GEMIN5: variants seen among roughly 807,000 people sequenced by gnomAD.
GEMIN5 encodes the protein gem nuclear organelle associated protein 5, also known as gem-associated protein 5.
In GEMIN5, 124 loss-of-function variants were observed where a neutral mutation model predicts 176.9. The ratio of observed to expected loss-of-function variants is 0.70; its 90% CI spans 0.61 to 0.81. GEMIN5 has a LOEUF of 0.81. Among genes scored for constraint, GEMIN5 ranks in the 40% least tolerant of loss-of-function variants. The pLI, the probability that GEMIN5 is intolerant of heterozygous loss-of-function variation, is 0.00. For synonymous variants in GEMIN5, 673 were observed against 665.2 expected (o/e 1.01, Z -0.18); for missense variants, 1,843 against 1,814.6 (o/e 1.02, Z -0.28).
At chr5:154,926,934 TAGCTACTCG>T (rs1764051639) in intron 7 of GEMIN5, among the ~76,000 whole-genome samples, 1 of 151,878 alleles carries the variant, frequency 6.6e-6, no homozygotes, top group African/African-American at 2.4e-5. Flanking sequence ...CCTGTAGTCC[TAGCTACTCG>T]AGAGGCTGAG....
chr5:154,897,737 C>T (rs905043371), intron 23 of GEMIN5, among the ~76,000 whole-genome samples: 17 of 152,030 alleles, frequency 1.1e-4, no homozygotes, highest in Non-Finnish European at 2.1e-4. Flanking sequence ...TCTGCTGCAT[C>T]TGGCCCAGTT....
chr5:154,936,934 GCA>G (rs1333207356), intron 2 of GEMIN5, 89 bp downstream of exon 2: 2 of 938,082 alleles, frequency 2.1e-6, no homozygotes, highest in Non-Finnish European at 3.3e-6. Flanking sequence ...AAGTTACTTT[GCA>G]CAGATGAGCT....
chr5:154,917,203 CAAGA>C, intron 12 of GEMIN5, 24 bp from the exon 13 acceptor site: 2 of 1,321,610 alleles, frequency 1.5e-6, no homozygotes, highest in Non-Finnish European at 2.0e-6. Context: ...CACATCAAAA[CAAGA>C]AAGATGGATG....
chr5:154,935,544 G>A lies in GEMIN5; in HGVS notation c.509+297C>T, dbSNP rs1032481373. Among the ~76,000 whole-genome samples the A allele has an allele frequency of 9.2e-5, 14 of 152,286 alleles. No homozygotes were observed. The East Asian group carries it at 2.5e-3, about 27-fold the overall frequency. On this transcript the variant is annotated intron_variant, in intron 3 of 27. Transcript: ENST00000285873. ...ACCTGGGAGTTCATGTTGTATCAAC[G>A]GGCAGTAGAGAAAGCGAAAAAGGTG...
intron 23 of GEMIN5, among the ~76,000 whole-genome samples, chr5:154,897,916 T>G (rs1279512768): frequency 6.8e-6 from 1 of 146,918 alleles, no homozygotes; most frequent in Non-Finnish European, 1.5e-5. Flanking sequence ...TTTTTTGTGT[T>G]TTTTTTTTTT....
In GEMIN5 at chr5:154,896,308, C is replaced by T; in HGVS notation, c.3381G>A (p.Leu1127=). ...GCTGCTTTTCCTCCAGATGCCTGGA[C>T]AGTAGCTCCAGAAGGCAAAACACCA... The part of the protein sequence containing the change: ...QRLVFCLLEL[L]SRHLEEKQLS... Residue 1127 remains leucine (L), a synonymous_variant, in exon 24 of 28, where the codon CTG becomes CTA. Coordinates refer to ENST00000285873, the MANE Select transcript of GEMIN5 (RefSeq NM_015465.5). The T allele has an allele frequency of 6.2e-7, 1 of 1,600,362 alleles. No individual in the cohort carries two copies. Among genetic ancestry groups the T allele is most frequent in the Non-Finnish European group, 8.5e-7 (1 of 1,174,456 alleles).
Position 154,928,018 on chromosome 5 carries a change from A to G in GEMIN5, c.915-468T>C, listed in dbSNP as rs560745987. On this transcript the variant is annotated intron_variant, in intron 6 of 27. Coordinates refer to ENST00000285873, the MANE Select transcript of GEMIN5 (RefSeq NM_015465.5). ...AAAAAAAAAAAAATTTAATCACAGA[A>G]AGGGGAACCAAGTAGCTAGGGAAGA... Among the ~76,000 whole-genome samples the G allele has an allele frequency of 8.3e-4, 127 of 152,242 alleles. 2 individuals are homozygous for G. Among genetic ancestry groups the G allele is most frequent in the Middle Eastern group, 6.8e-3 (2 of 294 alleles).
At position 154,938,015 on chromosome 5, in the gene GEMIN5, C is replaced by A; in HGVS notation, c.119G>T (p.Arg40Leu). The stretch of plus-strand genomic sequence containing the variant: ...ACTCTCGCCTGCGCCCGGGCCCACG[C>A]GGACAAGGAAGACGGAGGTCCGCGC... ...FAARTSVFLVRVGPGAGESPG... is the reference protein window; with the variant it reads ...FAARTSVFLVLVGPGAGESPG... The change falls in exon 1 of 28, where the codon CGC becomes CTC. Residue 40 changes from arginine to leucine, a missense_variant. Transcript: ENST00000285873. 2 of 1,567,718 alleles carry A rather than the reference C, an allele frequency of 1.3e-6. No individual in the cohort carries two copies. The highest frequency in any genetic ancestry group is 1.1e-5 in the South Asian group (1 of 87,076).
chr5:154,922,697 G>GTTT lies in GEMIN5; in HGVS notation c.1380-1275_1380-1273dup, dbSNP rs941015595. On this transcript the variant is annotated intron_variant, in intron 9 of 27. Coordinates refer to ENST00000285873, the MANE Select transcript of GEMIN5 (RefSeq NM_015465.5). ...GTACTTTAAATAAATCTTTAAAACA[G>GTTT]TTTTTTTTTTTTTTTTTGAGATGGA... Among the ~76,000 whole-genome samples the GTTT allele has an allele frequency of 1.3e-4, 17 of 135,322 alleles. 1 individual carries two copies. Among genetic ancestry groups the GTTT allele is most frequent in the African/African-American group, 2.5e-4 (9 of 36,708 alleles). The allele number at this position is 135,322 out of a possible 152,430, so 88.8% of individuals were successfully genotyped here. A position where few individuals can be genotyped will look rare whatever the true frequency, so the allele number is the denominator to read the frequency against.
chr5:154,926,328 C>T (rs1466292434), intron 7 of GEMIN5, among the ~76,000 whole-genome samples: 5 of 152,170 alleles, frequency 3.3e-5, no homozygotes, highest in African/African-American at 7.2e-5. Flanking sequence ...CCAGAACCCA[C>T]GCCTCCTGTC....
In GEMIN5 at chr5:154,898,636, G is replaced by A. The variant is rs889475433; in HGVS notation, c.3149C>T (p.Thr1050Ile). 1.2e-6 allele frequency: 2 copies of A among 1,612,356 alleles called. No homozygotes were observed. Among genetic ancestry groups the A allele is most frequent in the East Asian group, 4.5e-5 (2 of 44,884 alleles). Residue 1050 changes from threonine to isoleucine, a missense_variant, in exon 23 of 28, where the codon ACT becomes ATT. Thr to Ile is a moderately conservative substitution (Grantham distance 89). Coordinates refer to ENST00000285873, the MANE Select transcript of GEMIN5 (RefSeq NM_015465.5). Reference protein sequence around the residue: ...AVAAKCYLGATCAYDAAKVLA... With the variant: ...AVAAKCYLGAICAYDAAKVLA... The stretch of plus-strand genomic sequence containing the variant: ...AACTTTGGCTGCATCATAAGCACAA[G>A]TGGCCCCTAAATAGCTATAATATGA...
At chr5:154,910,085 G>C (rs1298572585) in intron 15 of GEMIN5, among the ~76,000 whole-genome samples, 2 of 151,590 alleles carry the variant, frequency 1.3e-5, no homozygotes, top group Non-Finnish European at 2.9e-5. Context: ...CATCCATTTT[G>C]TTCTTTATCA....
Position 154,920,071 on chromosome 5 carries a change from A to G in GEMIN5, c.1495T>C (p.Tyr499His), listed in dbSNP as rs554685705. The G allele has an allele frequency of 1.3e-5, 21 of 1,613,182 alleles. No individual in the cohort carries two copies. The highest frequency in any genetic ancestry group is 1.7e-5 in the Non-Finnish European group (20 of 1,179,374). ...GEGDRPSLAL[Y>H]SCGGEGIVLQ... The stretch of plus-strand genomic sequence containing the variant: ...ACAATCCCTTCTCCTCCACAGCTGT[A>G]TAAAGCAAGGGAAGGTCTGTCTCCT... Residue 499 changes from tyrosine to histidine, a missense_variant, in exon 11 of 28, where the codon TAC becomes CAC. By Grantham distance (83) the Tyr-to-His change is moderately conservative (BLOSUM62 2). Transcript: ENST00000285873.
chr5:154,905,304 A>T, intron 17 of GEMIN5, 59 bp downstream of exon 17: 1 of 745,624 alleles, frequency 1.3e-6, no homozygotes, highest in Non-Finnish European at 2.3e-6. Flanking sequence ...TGCGTGTAAT[A>T]TATGTAATAT....
At chr5:154,904,282 G>A (rs1304277966) in intron 18 of GEMIN5, among the ~76,000 whole-genome samples, 3 of 152,150 alleles carry the variant, frequency 2.0e-5, no homozygotes, top group Non-Finnish European at 2.9e-5. Context: ...AAAGCAGAGC[G>A]CTACATTTCA....
At chr5:154,891,954 C>A (rs1190395475) in intron 25 of GEMIN5, among the ~76,000 whole-genome samples, 1 of 152,060 alleles carries the variant, frequency 6.6e-6, no homozygotes, top group African/African-American at 2.4e-5. Context: ...ATTACTACAT[C>A]CTAGGAGTCA....
At chr5:154,897,201 C>T (rs534192789) in intron 23 of GEMIN5, among the ~76,000 whole-genome samples, 25 of 152,218 alleles carry the variant, frequency 1.6e-4, no homozygotes, top group Admixed American at 3.9e-4. Flanking sequence ...TCTGCTGTTC[C>T]TAGAAAGCTA....
chr5:154,907,843 G>A, intron 15 of GEMIN5, 25 bp from the exon 16 acceptor site: 1 of 1,542,150 alleles, frequency 6.5e-7, no homozygotes, highest in Non-Finnish European at 8.9e-7. Context: ...ATAAAGGACT[G>A]ACTAAAGTAT....
At position 154,926,006 on chromosome 5, in the gene GEMIN5, G is replaced by C; in HGVS notation, c.1149C>G (p.Tyr383Ter). 1 of 1,613,624 alleles carries C rather than the reference G, an allele frequency of 6.2e-7. No individual in the cohort carries two copies. The highest frequency in any genetic ancestry group is 1.1e-5 in the South Asian group (1 of 91,076). ...TGTCCACAGAAGAGAAAGCCAGGCT[G>C]TATGCAAACCCACCAAGGGAAGGAA... ...WTLPSLGGFA[Y>*]SLAFSSVDIG... The change falls in exon 8 of 28, where the codon TAC (tyrosine) becomes TAG (stop). Residue 383 changes from tyrosine to a stop codon, truncating the protein, a stop_gained. Transcript: ENST00000285873. LOFTEE classifies it high-confidence loss of function.
Sources: allele counts gnomAD v4.1 joint callset (sites outside exome capture counted in the v4.1 genomes callset), GRCh38; gene constraint gnomAD v4.1.1; transcripts MANE v1.5; gene names NCBI Gene and HGNC (gene_info 2026-07-23, HGNC 2026-07-21).